Variants in ZFAT observed in about 807,000 individuals in gnomAD.
The protein encoded by ZFAT is zinc finger and AT-hook domain containing.
ZFAT carries 64 observed loss-of-function variants against 117.7 expected under a neutral mutation model. The observed-to-expected ratio is 0.54, with a 90% confidence interval of 0.44 to 0.67. ZFAT has a LOEUF of 0.67. ZFAT is among the 30% of genes least tolerant of loss of function. The pLI is 0.00. For missense variants in ZFAT, 1,433 were observed against 1,584.5 expected (o/e 0.90, Z 1.62); for synonymous variants, 679 against 615.0 (o/e 1.10, Z -1.54).
upstream of ZFAT, among the ~76,000 whole-genome samples, chr8:134,715,723 G>T (rs868286672): frequency 6.6e-5 from 10 of 152,292 alleles, 1 homozygote; most frequent in Middle Eastern, 0.01. Context: ...GTGGCAGTTG[G>T]CCTCTTGAAG....
At chr8:134,826,491 T>C in the ZFAT span, among the ~76,000 whole-genome samples, 3 of 152,232 alleles carry the variant, frequency 2.0e-5, no homozygotes, top group Non-Finnish European at 4.4e-5. Context: ...CACATTTAAC[T>C]ATACATTCAC....
chr8:134,732,750 T>G, the ZFAT span, among the ~76,000 whole-genome samples: 5 of 152,112 alleles, frequency 3.3e-5, no homozygotes, highest in African/African-American at 1.2e-4. Flanking sequence ...AACATCACAT[T>G]CCGGGTAAAG....
At chr8:134,763,585 A>G in the ZFAT span, among the ~76,000 whole-genome samples, 2 of 152,162 alleles carry the variant, frequency 1.3e-5, no homozygotes, top group Non-Finnish European at 2.9e-5. Flanking sequence ...TTATTCAGCC[A>G]TTTGAATATA....
At chr8:134,557,789 T>C (rs573812619) in intron 11 of ZFAT, among the ~76,000 whole-genome samples, 6 of 152,358 alleles carry the variant, frequency 3.9e-5, no homozygotes, top group African/African-American at 1.4e-4. Flanking sequence ...AAATGGACTA[T>C]GCACTCCAAT....
intron 1 of ZFAT, among the ~76,000 whole-genome samples, chr8:134,670,319 A>G (rs1452882741): frequency 6.6e-6 from 1 of 152,258 alleles, no homozygotes; most frequent in South Asian, 2.1e-4. Context: ...GCACCACATC[A>G]CACTTAATCC....
At chr8:134,483,838 C>T (rs79789277) in intron 15 of ZFAT, among the ~76,000 whole-genome samples, 8,189 of 152,286 alleles carry the variant, frequency 0.054, 305 homozygotes, top group African/African-American at 0.095. Context: ...GCAGCTTCCC[C>T]TTGAGACCCC....
intron 3 of ZFAT, among the ~76,000 whole-genome samples, chr8:134,619,066 C>T (rs1019927609): frequency 3.3e-5 from 5 of 152,162 alleles, no homozygotes; most frequent in Non-Finnish European, 5.9e-5. Context: ...TGCTCCTCAA[C>T]TTATGATGAG....
chr8:134,804,764 G>A, the ZFAT span: 1 of 465,136 alleles, frequency 2.1e-6, no homozygotes, highest in African/African-American at 2.0e-5. Context: ...TGCACTGTCA[G>A]TGCAGTAAAA....
rs373563897 is a variant in ZFAT, at chr8:134,513,650, A to C, written c.3235-1049T>G. Among the ~76,000 whole-genome samples, 10 of 152,242 alleles carry C rather than the reference A, an allele frequency of 6.6e-5. No homozygotes were observed. The East Asian group carries it at 1.2e-3, about 18-fold the overall frequency. ...TTTACAGAACTAGATGTTAATAATT[A>C]TCTCTTTCTGGAAGGGGCAGAGAGT... On this transcript the variant is annotated intron_variant, in intron 13 of 15. Coordinates refer to ENST00000377838, the MANE Select transcript of ZFAT (RefSeq NM_020863.4).
At chr8:134,821,584 G>C in the ZFAT span, among the ~76,000 whole-genome samples, 1 of 151,924 alleles carries the variant, frequency 6.6e-6, no homozygotes, top group African/African-American at 2.4e-5. Context: ...CCTCAGTTTG[G>C]CAAAAAAGAA....
chr8:134,548,517 T>C (rs573074651), intron 11 of ZFAT, among the ~76,000 whole-genome samples: 25 of 152,348 alleles, frequency 1.6e-4, no homozygotes, highest in South Asian at 6.2e-4. Flanking sequence ...GCTTTAACTC[T>C]GAGTGTGACC....
intron 13 of ZFAT, among the ~76,000 whole-genome samples, chr8:134,517,065 T>C (rs912080667): frequency 2.6e-5 from 4 of 152,196 alleles, no homozygotes; most frequent in African/African-American, 4.8e-5. Context: ...AATCACAATA[T>C]TGTCCTTACT....
intron 3 of ZFAT, among the ~76,000 whole-genome samples, chr8:134,629,226 T>G (rs115308346): frequency 6.6e-6 from 1 of 152,148 alleles, no homozygotes; most frequent in Non-Finnish European, 1.5e-5. Flanking sequence ...GGGAGCTGGA[T>G]GAGTTTCGGA....
chr8:134,525,471 T>C (rs1245328506), intron 12 of ZFAT, among the ~76,000 whole-genome samples: 1 of 152,224 alleles, frequency 6.6e-6, no homozygotes, highest in Non-Finnish European at 1.5e-5. Context: ...TGTCCTGATA[T>C]CAAGGTTGTC....
chr8:134,524,893 G>T (rs1022684117), intron 12 of ZFAT, among the ~76,000 whole-genome samples: 1 of 152,118 alleles, frequency 6.6e-6, no homozygotes, highest in East Asian at 1.9e-4. Context: ...CACTAACTGG[G>T]CAGTTACCAT....
intron 15 of ZFAT, among the ~76,000 whole-genome samples, chr8:134,503,871 T>C (rs113706823): frequency 5.3e-4 from 80 of 152,208 alleles, no homozygotes; most frequent in African/African-American, 1.9e-3. Context: ...TTGGGATTTG[T>C]CAACCTCCAC....
intron 11 of ZFAT, among the ~76,000 whole-genome samples, chr8:134,535,478 C>CCCCTCA (rs1376118000): frequency 8.3e-6 from 1 of 120,068 alleles, no homozygotes; most frequent in African/African-American, 3.2e-5. Context: ...GCTCCCTCTC[C>CCCCTCA]CCCTCCCCCT....
At chr8:134,580,935 A>G (rs7002886) in intron 10 of ZFAT, among the ~76,000 whole-genome samples, 2,963 of 152,304 alleles carry the variant, frequency 0.019, 105 homozygotes, top group African/African-American at 0.068. Context: ...GAATCATGGA[A>G]GATGAAAACA....
At chr8:134,718,397 C>T in the ZFAT span, among the ~76,000 whole-genome samples, 1 of 152,068 alleles carries the variant, frequency 6.6e-6, no homozygotes, top group South Asian at 2.1e-4. Flanking sequence ...ACTTGGGAGG[C>T]TGAGGCAGGA....
Sources: allele counts gnomAD v4.1 joint callset (sites outside exome capture counted in the v4.1 genomes callset), GRCh38; gene constraint gnomAD v4.1.1; transcripts MANE v1.5; gene names NCBI Gene and HGNC (gene_info 2026-07-23, HGNC 2026-07-21).